The following PEMT variants were observed in gnomAD, a reference collection of about 807,000 sequenced individuals.
PEMT encodes the protein phospholipid methyltransferase.
A neutral mutation model predicts 27.4 loss-of-function variants in PEMT; 23 were observed. That is an observed-to-expected ratio of 0.84 (90% CI 0.60 to 1.19). The LOEUF (loss-of-function observed/expected upper bound fraction) is 1.19. Among genes scored for constraint, PEMT ranks in the 50% most tolerant of loss-of-function variants. The probability of loss-of-function intolerance (pLI) is 0.00; values close to 1 mark genes in which losing one functional copy is unlikely to be tolerated. For missense variants in PEMT, 307 were observed against 310.1 expected (o/e 0.99, Z 0.07); for synonymous variants, 137 against 139.1 (o/e 0.98, Z 0.11).
intron 2 of PEMT, among the ~76,000 whole-genome samples, chr17:17,571,322 C>T (rs907082432): frequency 1.3e-5 from 2 of 151,986 alleles, no homozygotes; most frequent in African/African-American, 4.8e-5. Flanking sequence ...ACAGGAAGGC[C>T]GGTCTCCAGG....
chr17:17,560,570 G>A (rs58146226), intron 2 of PEMT, among the ~76,000 whole-genome samples: 9,115 of 152,280 alleles, frequency 0.06, 381 homozygotes, highest in East Asian at 0.14. Context: ...CACCGGCCCC[G>A]GGGAGGGGTT....
chr17:17,512,599 C>A lies in PEMT; in HGVS notation c.376G>T (p.Ala126Ser), dbSNP rs903489785. Residue 126 changes from alanine (A) to serine (S), a missense_variant, in exon 4 of 7, where the codon GCC becomes TCC. Physicochemically the swap from Ala to Ser is moderately conservative, Grantham distance 99. Transcript: ENST00000255389. The surrounding 1 kb of genome is among the most constrained non-coding windows in gnomAD (Gnocchi z 6.3). ...AGGAGCGCGAGGCCCAGGCTGTAGGCCGCGGGGGTGTCCAGGCTCTCCATC... is the reference window on the plus strand; with the variant it reads ...AGGAGCGCGAGGCCCAGGCTGTAGGACGCGGGGGTGTCCAGGCTCTCCATC... ...PRMESLDTPA[A>S]YSLGLALLGL... The A allele has an allele frequency of 6.2e-6, 10 of 1,601,506 alleles. No individual in the cohort carries two copies. The highest frequency in any genetic ancestry group is 8.5e-6 in the Non-Finnish European group (10 of 1,173,270).
chr17:17,527,438 C>CT (rs1433437411), intron 2 of PEMT, among the ~76,000 whole-genome samples: 1 of 152,242 alleles, frequency 6.6e-6, no homozygotes, highest in African/African-American at 2.4e-5. Context: ...AGCAGGGCAG[C>CT]TCGTGGCTCC....
chr17:17,577,108 C>T, intron 1 of PEMT, 81 bp from the exon 2 acceptor site: 2 of 1,036,848 alleles, frequency 1.9e-6, no homozygotes, highest in South Asian at 1.3e-5. Flanking sequence ...AAAAGTTACC[C>T]TCTGGGAACA....
intron 2 of PEMT, among the ~76,000 whole-genome samples, chr17:17,541,741 C>T (rs532005946): frequency 2.7e-4 from 41 of 152,368 alleles, no homozygotes; most frequent in South Asian, 6.2e-4. Context: ...GGCTCCTCAG[C>T]GACCGGGGCC....
At chr17:17,552,578 C>T (rs1275132224) in intron 2 of PEMT, among the ~76,000 whole-genome samples, 2 of 152,220 alleles carry the variant, frequency 1.3e-5, no homozygotes, top group Non-Finnish European at 2.9e-5. Context: ...CCCCCATTCC[C>T]GGTTGGGGGG....
At chr17:17,536,654 T>C (rs1908495405) in intron 2 of PEMT, among the ~76,000 whole-genome samples, 1 of 152,072 alleles carries the variant, frequency 6.6e-6, no homozygotes, top group South Asian at 2.1e-4. Context: ...CAGAGGGAAA[T>C]GGTACAGAGC....
intron 2 of PEMT, among the ~76,000 whole-genome samples, chr17:17,526,539 C>T (rs1434877764): frequency 6.6e-6 from 1 of 152,224 alleles, no homozygotes; most frequent in African/African-American, 2.4e-5. Context: ...TGAGAGCGCC[C>T]GTCTCTCCCC....
At chr17:17,507,732 A>AG (rs5819615) in intron 5 of PEMT, 155,684 of 155,684 alleles carry the variant, frequency 1, 77,842 homozygotes, top group Non-Finnish European at 1. Context: ...GACACCTGGA[A>AG]GCCCATCTCC....
At chr17:17,526,332 CCTTGA>C (rs1372816070) in intron 2 of PEMT, among the ~76,000 whole-genome samples, 3 of 152,224 alleles carry the variant, frequency 2.0e-5, no homozygotes, top group African/African-American at 7.2e-5. Flanking sequence ...ACCATCCTGG[CCTTGA>C]CATTCGCCAA....
chr17:17,506,539 T>C (rs1905863840), intron 5 of PEMT, among the ~76,000 whole-genome samples: 1 of 152,230 alleles, frequency 6.6e-6, no homozygotes, highest in Admixed American at 6.5e-5. Context: ...CTGTCTGGCC[T>C]GGCTGGGTTC....
At chr17:17,521,119 C>T (rs1224682239) in intron 3 of PEMT, among the ~76,000 whole-genome samples, 2 of 152,258 alleles carry the variant, frequency 1.3e-5, no homozygotes, top group Non-Finnish European at 2.9e-5. Flanking sequence ...CGCGCCCCAT[C>T]CAAAGGGGGC....
At chr17:17,538,391 C>T (rs1166679153) in intron 2 of PEMT, among the ~76,000 whole-genome samples, 2 of 152,092 alleles carry the variant, frequency 1.3e-5, no homozygotes, top group Non-Finnish European at 2.9e-5. Context: ...CCTATCTCTA[C>T]AAACAATTGA....
intron 2 of PEMT, among the ~76,000 whole-genome samples, chr17:17,571,731 C>T (rs1332923367): frequency 1.4e-5 from 2 of 147,906 alleles, no homozygotes; most frequent in Non-Finnish European, 3.0e-5. Flanking sequence ...TTTTCTGATA[C>T]AGGGTCTCAC....
chr17:17,568,310 C>T (rs917620556), intron 2 of PEMT, among the ~76,000 whole-genome samples: 1 of 152,240 alleles, frequency 6.6e-6, no homozygotes, highest in Non-Finnish European at 1.5e-5. Flanking sequence ...TGTCTCCCCA[C>T]GCATTACCTG....
In PEMT at chr17:17,523,697, A is replaced by G. The variant is rs1385691883; in HGVS notation, c.205-1302T>C. The stretch of plus-strand genomic sequence containing the variant: ...GGAAGGAATAAGCGCTGCAGGGGTG[A>G]GGAGGGGGCTGCGGTGACCTTGCTG... On this transcript the variant is annotated intron_variant, in intron 2 of 6. Transcript: ENST00000255389. This position sits in a 1 kb window ranked among gnomAD's most constrained non-coding sequence, Gnocchi z 4.8. Among the ~76,000 whole-genome samples, 1 of 150,272 alleles carries G rather than the reference A, an allele frequency of 6.7e-6. No homozygotes were observed. The highest frequency in any genetic ancestry group is 1.5e-5 in the Non-Finnish European group (1 of 67,618).
intron 2 of PEMT, among the ~76,000 whole-genome samples, chr17:17,548,943 T>C (rs1457515226): frequency 2.6e-5 from 4 of 152,072 alleles, no homozygotes; most frequent in Non-Finnish European, 5.9e-5. Flanking sequence ...GAAGGCACAG[T>C]GACCAGGCCA....
intron 2 of PEMT, among the ~76,000 whole-genome samples, chr17:17,569,055 C>G (rs1325551424): frequency 1.3e-5 from 2 of 152,240 alleles, no homozygotes; most frequent in East Asian, 1.9e-4. Context: ...AAACAACTCT[C>G]CAGACTACAG....
intron 2 of PEMT, among the ~76,000 whole-genome samples, chr17:17,557,755 TC>T (rs1199875360): frequency 2.6e-5 from 4 of 152,148 alleles, no homozygotes; most frequent in African/African-American, 9.7e-5. Context: ...CAGGCCACTC[TC>T]CCAGTTCCAT....
Sources: gnomAD v4.1 joint callset for allele counts (sites outside exome capture counted in the v4.1 genomes callset) on GRCh38, gnomAD v4.1.1 for gene constraint, Gnocchi (gnomAD v3.1) non-coding constraint, MANE v1.5 for transcripts, NCBI Gene and HGNC (gene_info 2026-07-23, HGNC 2026-07-21) for gene names.